The following NCAM2 variants were observed in gnomAD, a reference collection of about 807,000 sequenced individuals.
NCAM2 encodes neural cell adhesion molecule 2, also known as N-CAM-2.
In NCAM2, 30 loss-of-function variants were observed where a neutral mutation model predicts 98.1. That is an observed-to-expected ratio of 0.31 (90% confidence interval 0.23 to 0.41). NCAM2 has a LOEUF of 0.41. Ranked by LOEUF, NCAM2 falls within the 10% of genes least tolerant of loss-of-function variation. The pLI is 1.00. For missense variants in NCAM2, 867 were observed against 1,005.8 expected (o/e 0.86, Z 1.87); for synonymous variants, 368 against 342.4 (o/e 1.07, Z -0.83).
intron 1 of NCAM2, among the ~76,000 whole-genome samples, chr21:21,092,613 A>G (rs2066035831): frequency 6.6e-6 from 1 of 151,896 alleles, no homozygotes; most frequent in Non-Finnish European, 1.5e-5. Context: ...CTGAATATCA[A>G]ATTGTTGACA....
At chr21:21,445,508 T>C (rs538848215) in intron 12 of NCAM2, among the ~76,000 whole-genome samples, 2 of 152,280 alleles carry the variant, frequency 1.3e-5, no homozygotes, top group African/African-American at 4.8e-5. Flanking sequence ...TTTATGAATG[T>C]GGGTGCTCCT....
intron 1 of NCAM2, among the ~76,000 whole-genome samples, chr21:21,263,313 G>A (rs2071994838): frequency 6.6e-6 from 1 of 152,022 alleles, no homozygotes; most frequent in South Asian, 2.1e-4. Context: ...CCAAGGAAAT[G>A]AAAGATCTCT....
intron 1 of NCAM2, among the ~76,000 whole-genome samples, chr21:21,270,967 T>TATTTTTCC: frequency 6.6e-6 from 1 of 152,188 alleles, no homozygotes; most frequent in African/African-American, 2.4e-5. Context: ...ATTTGAACCT[T>TATTTTTCC]ATTTTTCCAT....
chr21:21,011,608 A>G (rs552153114), intron 1 of NCAM2, among the ~76,000 whole-genome samples: 49 of 152,186 alleles, frequency 3.2e-4, no homozygotes, highest in African/African-American at 1.1e-3. Context: ...GTCTCTTAGC[A>G]ATGTCCAGGT....
At chr21:21,208,310 G>A (rs2069518660) in intron 1 of NCAM2, among the ~76,000 whole-genome samples, 1 of 152,242 alleles carries the variant, frequency 6.6e-6, no homozygotes, top group South Asian at 2.1e-4. Context: ...TTAAAAGTAT[G>A]TTTTAATTAT....
intron 15 of NCAM2, among the ~76,000 whole-genome samples, chr21:21,502,938 A>G (rs1460031201): frequency 6.6e-6 from 1 of 151,992 alleles, no homozygotes; most frequent in Non-Finnish European, 1.5e-5. Flanking sequence ...AAAGTTAAAT[A>G]AAACATTGAA....
At position 21,534,394 on chromosome 21, in the gene NCAM2, G is replaced by T. The variant is rs146493569; in HGVS notation, c.2283-143G>T. The T allele has an allele frequency of 8.2e-4, 477 of 583,108 alleles. 2 individuals carry two copies. In the African/African-American group the frequency reaches 8.6e-3, roughly 11 times the overall value. 36.1% of individuals were successfully genotyped at this position (583,108 alleles called of 1,614,324 possible). ...TGGTGAAACAAATTTAAATGGTAAA[G>T]CATTTCTCAGTGGTTTTCTTAAATT... On this transcript the variant is annotated intron_variant, in intron 16 of 17. Transcript: ENST00000400546.
At chr21:21,095,635 T>C (rs1411102528) in intron 1 of NCAM2, among the ~76,000 whole-genome samples, 1 of 151,632 alleles carries the variant, frequency 6.6e-6, no homozygotes, top group Admixed American at 6.6e-5. Context: ...TATATGCTTA[T>C]TTTTATAAGG....
chr21:21,207,761 T>C (rs2069499313), intron 1 of NCAM2, among the ~76,000 whole-genome samples: 1 of 152,072 alleles, frequency 6.6e-6, no homozygotes, highest in Non-Finnish European at 1.5e-5. Context: ...ACTTTAAATA[T>C]AGGAAGACAC....
chr21:21,351,907 C>T (rs1053221843), intron 8 of NCAM2, among the ~76,000 whole-genome samples: 44 of 152,026 alleles, frequency 2.9e-4, no homozygotes, highest in Non-Finnish European at 3.1e-4. Context: ...CCATCACGCC[C>T]GGCTAATTTT....
At chr21:21,112,559 C>T (rs1303796352) in intron 1 of NCAM2, among the ~76,000 whole-genome samples, 1 of 152,114 alleles carries the variant, frequency 6.6e-6, no homozygotes, top group Admixed American at 6.6e-5. Flanking sequence ...CCTTCTCATC[C>T]GTCAAAGGCT....
intron 7 of NCAM2, 84 bp downstream of exon 7, chr21:21,335,749 TAAA>T: frequency 9.0e-7 from 1 of 1,106,318 alleles, no homozygotes; most frequent in Non-Finnish European, 1.2e-6. Flanking sequence ...TTGAACTATT[TAAA>T]CTTTCCATAT....
chr21:21,299,898 G>C lies in NCAM2; in HGVS notation c.619+7657G>C, dbSNP rs140403687. ...ATGCTCAAGTCCCTTTATGTAAAAAGGCATAGTATTTGCATATAGCCTACA... is the reference window on the plus strand; with the variant it reads ...ATGCTCAAGTCCCTTTATGTAAAAACGCATAGTATTTGCATATAGCCTACA... On this transcript the variant is annotated intron_variant, in intron 5 of 17. Transcript: ENST00000400546. Among the ~76,000 whole-genome samples the C allele has an allele frequency of 5.9e-3, 891 of 151,830 alleles. 10 individuals carry two copies. Among genetic ancestry groups the C allele is most frequent in the African/African-American group, 0.02 (833 of 41,420 alleles).
chr21:21,382,468 T>G lies in NCAM2; in HGVS notation c.1195+8455T>G, dbSNP rs560581108. Among the ~76,000 whole-genome samples, 431 of 152,028 alleles carry G rather than the reference T, an allele frequency of 2.8e-3. 2 individuals carry two copies. The highest frequency in any genetic ancestry group is 3.8e-3 in the Non-Finnish European group (255 of 67,982). ...TCAACTGACTCTTTACCCCATCATC[T>G]CGTTTCTGCTGGTGAGCCAATAGTG... On this transcript the variant is annotated intron_variant, in intron 9 of 17. Coordinates refer to ENST00000400546, the MANE Select transcript of NCAM2 (RefSeq NM_004540.5).
chr21:21,282,247 C>A (rs1601856649), intron 2 of NCAM2, among the ~76,000 whole-genome samples: 1 of 151,718 alleles, frequency 6.6e-6, no homozygotes, highest in East Asian at 1.9e-4. Context: ...TTTGAAAATA[C>A]AATGAAATTG....
chr21:21,410,235 AG>A, intron 9 of NCAM2, 38 bp from the exon 10 acceptor site: 1 of 1,138,674 alleles, frequency 8.8e-7, no homozygotes, highest in Non-Finnish European at 1.2e-6. Flanking sequence ...TTTAACTTAA[AG>A]AAAATGCCTA....
chr21:21,091,983 A>G (rs1173747615), intron 1 of NCAM2, among the ~76,000 whole-genome samples: 4 of 152,112 alleles, frequency 2.6e-5, no homozygotes. Context: ...AGTACTTAAA[A>G]GAGGGCCTGA....
chr21:21,504,123 T>C (rs1344768210), intron 15 of NCAM2, among the ~76,000 whole-genome samples: 1 of 151,942 alleles, frequency 6.6e-6, no homozygotes, highest in Non-Finnish European at 1.5e-5. Flanking sequence ...CCATATCTTT[T>C]CATTACTCGT....
chr21:21,038,227 C>T (rs1601168104), intron 1 of NCAM2, among the ~76,000 whole-genome samples: 1 of 151,930 alleles, frequency 6.6e-6, no homozygotes, highest in African/African-American at 2.4e-5. Context: ...AAGAATGATA[C>T]AGATATATAG....
Sources: allele counts gnomAD v4.1 joint callset (sites outside exome capture counted in the v4.1 genomes callset), GRCh38; gene constraint gnomAD v4.1.1; transcripts MANE v1.5; gene names NCBI Gene and HGNC (gene_info 2026-07-23, HGNC 2026-07-21).